Variants in PLCB4 observed in about 807,000 individuals in gnomAD.
PLCB4 encodes phospholipase C beta 4.
Under a neutral mutation model 178.8 loss-of-function variants are expected in PLCB4, and 77 were observed. The ratio of observed to expected loss-of-function variants is 0.43; its 90% confidence interval spans 0.36 to 0.52. PLCB4 has a LOEUF of 0.52. PLCB4 is among the 20% of genes least tolerant of loss of function. The probability of loss-of-function intolerance (pLI) is 0.00; values close to 1 mark genes in which losing one functional copy is unlikely to be tolerated. For missense variants in PLCB4, 1,024 were observed against 1,453.4 expected (o/e 0.70, Z 4.80); for synonymous variants, 496 against 490.8 (o/e 1.01, Z -0.14).
intron 12 of PLCB4, among the ~76,000 whole-genome samples, chr20:9,378,068 T>C (rs2148334554): frequency 6.6e-6 from 1 of 152,246 alleles, no homozygotes; most frequent in Admixed American, 6.5e-5. Context: ...CTTCAGGTAG[T>C]ACCTTGTCAG....
chr20:9,325,738 C>A (rs769389847), intron 4 of PLCB4, among the ~76,000 whole-genome samples: 1 of 152,192 alleles, frequency 6.6e-6, no homozygotes, highest in Non-Finnish European at 1.5e-5. Context: ...TTTGGCCTCT[C>A]CCAGGTGGCT....
Position 9,380,069 on chromosome 20 carries a change from C to A in PLCB4, c.760C>A (p.Arg254=). 1 of 1,579,366 alleles carries A rather than the reference C, an allele frequency of 6.3e-7. No homozygotes were observed. The highest frequency in any genetic ancestry group is 8.7e-7 in the Non-Finnish European group (1 of 1,152,918). The change falls in exon 13 of 40, where the codon CGA becomes AGA. Residue 254 remains arginine, a synonymous_variant. Coordinates refer to ENST00000378473, the MANE Select transcript of PLCB4 (RefSeq NM_001377142.1). The part of the protein sequence containing the change: ...SFLNEHQRDP[R]LNEILFPFYD... ...CTTATCATAGCATCAACGAGATCCTCGATTGAATGAAATTTTATTTCCATT... is the reference window on the plus strand; with the variant it reads ...CTTATCATAGCATCAACGAGATCCTAGATTGAATGAAATTTTATTTCCATT...
chr20:9,086,098 C>T (rs1177204498), intron 1 of PLCB4, among the ~76,000 whole-genome samples: 1 of 152,108 alleles, frequency 6.6e-6, no homozygotes, highest in South Asian at 2.1e-4. Context: ...ATTAAATTAT[C>T]ACTGAAATTT....
At chr20:9,111,200 G>A (rs1465845766) in intron 2 of PLCB4, among the ~76,000 whole-genome samples, 1 of 152,090 alleles carries the variant, frequency 6.6e-6, no homozygotes, top group Non-Finnish European at 1.5e-5. Flanking sequence ...AAGGTACATT[G>A]GGCAAAGCCT....
chr20:9,226,343 T>C (rs529006763), intron 3 of PLCB4, among the ~76,000 whole-genome samples: 1 of 152,324 alleles, frequency 6.6e-6, no homozygotes, highest in African/African-American at 2.4e-5. Flanking sequence ...ATTGGAGGTA[T>C]GTTAAAGAGC....
chr20:9,438,876 G>A (rs927453447), intron 30 of PLCB4, among the ~76,000 whole-genome samples: 5 of 152,172 alleles, frequency 3.3e-5, no homozygotes, highest in Non-Finnish European at 7.4e-5. Context: ...GAGGACAGTA[G>A]CATGTTGGTA....
chr20:9,137,743 A>T (rs2092411932), intron 2 of PLCB4, among the ~76,000 whole-genome samples: 1 of 84,650 alleles, frequency 1.2e-5, no homozygotes. Context: ...TATTTTTCTC[A>T]AGTTTTTTTT....
chr20:9,238,378 G>A (rs533468546), intron 3 of PLCB4, among the ~76,000 whole-genome samples: 11 of 152,304 alleles, frequency 7.2e-5, no homozygotes, highest in African/African-American at 2.6e-4. Flanking sequence ...CTGCACAGGT[G>A]TGCACTGTGG....
At chr20:9,390,030 T>C in intron 16 of PLCB4, 72 bp downstream of exon 16, 3 of 768,010 alleles carry the variant, frequency 3.9e-6, no homozygotes. Flanking sequence ...ACTCCTGCTC[T>C]ACAACTTTTT....
intron 39 of PLCB4, among the ~76,000 whole-genome samples, chr20:9,477,160 G>A (rs1312247612): frequency 6.6e-6 from 1 of 152,162 alleles, no homozygotes; most frequent in East Asian, 1.9e-4. Context: ...GGTTTTTAAT[G>A]ATGGAGCTGT....
chr20:9,138,591 A>G (rs1030529063), intron 2 of PLCB4, among the ~76,000 whole-genome samples: 2 of 152,108 alleles, frequency 1.3e-5, no homozygotes, highest in African/African-American at 4.8e-5. Flanking sequence ...TTCTATCACC[A>G]TAGAATTACC....
chr20:9,472,964 T>C (rs1360972094), intron 37 of PLCB4, 117 bp downstream of exon 37: 4 of 610,152 alleles, frequency 6.6e-6, no homozygotes, highest in Non-Finnish European at 1.1e-5. Flanking sequence ...ACATTAAACA[T>C]TCCAGCTTCT....
intron 9 of PLCB4, among the ~76,000 whole-genome samples, chr20:9,366,238 G>GA (rs35263693): frequency 2.7e-5 from 4 of 147,680 alleles, no homozygotes; most frequent in Non-Finnish European, 4.5e-5. Flanking sequence ...AATACAAAAA[G>GA]AAAAAAAAAA....
chr20:9,214,546 AC>A (rs1404535866), intron 2 of PLCB4, among the ~76,000 whole-genome samples: 1 of 145,474 alleles, frequency 6.9e-6, no homozygotes, highest in African/African-American at 2.7e-5. Context: ...GGGAAGACAT[AC>A]ATAAACACCC....
intron 3 of PLCB4, among the ~76,000 whole-genome samples, chr20:9,254,052 A>G (rs147625125): frequency 7.5e-4 from 115 of 152,340 alleles, no homozygotes; most frequent in African/African-American, 2.6e-3. Flanking sequence ...GAACTGCCTG[A>G]CAGTCTTTTG....
At chr20:9,420,025 C>G (rs1044215991) in intron 26 of PLCB4, 116 bp downstream of exon 26, 7 of 563,068 alleles carry the variant, frequency 1.2e-5, no homozygotes, top group Non-Finnish European at 2.2e-5. Flanking sequence ...ACAACTTTGA[C>G]TTAAGATTCC....
intron 25 of PLCB4, among the ~76,000 whole-genome samples, chr20:9,417,581 T>A (rs2040340604): frequency 6.6e-6 from 1 of 152,210 alleles, no homozygotes; most frequent in Non-Finnish European, 1.5e-5. Context: ...TATACCATGT[T>A]TTGTGCCATA....
intron 3 of PLCB4, among the ~76,000 whole-genome samples, chr20:9,233,774 A>C (rs2093960993): frequency 1.3e-5 from 2 of 152,178 alleles, no homozygotes; most frequent in South Asian, 4.1e-4. Context: ...GGTAGACAGC[A>C]GTTAGATGCA....
At chr20:9,323,116 T>C (rs2147973997) in intron 4 of PLCB4, among the ~76,000 whole-genome samples, 1 of 152,328 alleles carries the variant, frequency 6.6e-6, no homozygotes, top group South Asian at 2.1e-4. Flanking sequence ...GTCCCCTACA[T>C]GACCTACCAT....
Sources: allele counts gnomAD v4.1 joint callset (sites outside exome capture counted in the v4.1 genomes callset), GRCh38; gene constraint gnomAD v4.1.1; transcripts MANE v1.5; gene names NCBI Gene and HGNC (gene_info 2026-07-23, HGNC 2026-07-21).